CSMD1: variants seen among roughly 807,000 people sequenced by gnomAD.
CSMD1 encodes CUB and sushi domain-containing protein 1.
In CSMD1, 213 loss-of-function variants were observed where a neutral mutation model predicts 417.5. The observed-to-expected ratio is 0.51, with a 90% CI of 0.46 to 0.57. The LOEUF (loss-of-function observed/expected upper bound fraction) is 0.57, where lower values mean the gene tolerates loss of function less well. CSMD1 is among the 20% of genes least tolerant of loss of function. CSMD1 has a pLI of 0.00. For synonymous variants in CSMD1, 2,862 were observed against 1,736.8 expected (o/e 1.65, Z -16.11); for missense variants, 6,923 against 4,529.7 (o/e 1.53, Z -15.17).
intron 5 of CSMD1, among the ~76,000 whole-genome samples, chr8:3,790,255 C>A (rs1282199871): frequency 6.6e-6 from 1 of 152,104 alleles, no homozygotes; most frequent in Non-Finnish European, 1.5e-5. Context: ...CATTATCAAT[C>A]AAACTGAAAC....
intron 3 of CSMD1, among the ~76,000 whole-genome samples, chr8:4,277,431 G>C (rs1253141460): frequency 1.3e-5 from 2 of 152,052 alleles, no homozygotes; most frequent in African/African-American, 2.4e-5. Flanking sequence ...ATAGCTGTCC[G>C]TCAGCTTTCA....
rs1807408058 is a variant in CSMD1 at position 3,896,900 on chromosome 8, G to A, written c.818+101003C>T. ...TATCACCTAATTCTATTTGATGTTT[G>A]GTTCTCCAATAACAACCTCTATCTC... On this transcript the variant is annotated intron_variant, in intron 5 of 69. Transcript: ENST00000635120. Among the ~76,000 whole-genome samples the A allele has an allele frequency of 1.3e-5, 2 of 151,748 alleles. 1 individual carries two copies. Among genetic ancestry groups the A allele is most frequent in the Non-Finnish European group, 2.9e-5 (2 of 67,958 alleles).
chr8:3,340,194 C>T (rs1330992471), intron 23 of CSMD1, among the ~76,000 whole-genome samples: 6 of 152,106 alleles, frequency 3.9e-5, no homozygotes. Context: ...GCAATTACAC[C>T]ACTCCCTGTG....
chr8:4,486,039 T>A (rs1801360725), intron 2 of CSMD1, among the ~76,000 whole-genome samples: 1 of 151,154 alleles, frequency 6.6e-6, no homozygotes, highest in African/African-American at 2.4e-5. Context: ...AATCCTGACT[T>A]CATAAAGTAA....
At chr8:4,095,784 G>A (rs1563117783) in intron 3 of CSMD1, among the ~76,000 whole-genome samples, 1 of 152,062 alleles carries the variant, frequency 6.6e-6, no homozygotes, top group African/African-American at 2.4e-5. Flanking sequence ...CAGTTCTAAG[G>A]TTTTATATAT....
rs1386687508 is a variant in CSMD1, at chr8:3,151,548, C to A, written c.5915-35G>T. 2.2e-6 allele frequency: 3 copies of A among 1,341,352 alleles called. No individual in the cohort carries two copies. The South Asian group carries it at 3.7e-5, about 16-fold the overall frequency. 83.1% of individuals were successfully genotyped at this position (1,341,352 alleles called of 1,614,324 possible). On this transcript the variant is annotated intron_variant, in intron 39 of 69. Coordinates refer to ENST00000635120, the MANE Select transcript of CSMD1 (RefSeq NM_033225.6). ...GGACAAGATGTCAGTCCTGCAGGTC[C>A]TCACTTTCTCCCTGGAATCTTTGCT... is the stretch of plus-strand genomic sequence containing the variant.
At chr8:4,528,890 C>G (rs768154299) in intron 2 of CSMD1, among the ~76,000 whole-genome samples, 2 of 152,014 alleles carry the variant, frequency 1.3e-5, no homozygotes, top group Non-Finnish European at 2.9e-5. Flanking sequence ...CTTAAGCTTT[C>G]CATGTTTGAG....
chr8:4,306,356 A>C (rs967859135), intron 3 of CSMD1, among the ~76,000 whole-genome samples: 1 of 152,196 alleles, frequency 6.6e-6, no homozygotes, highest in African/African-American at 2.4e-5. Flanking sequence ...TTATGTGACT[A>C]ATCAATGAGC....
intron 28 of CSMD1, among the ~76,000 whole-genome samples, chr8:3,219,863 A>C (rs1373942358): frequency 2.0e-5 from 3 of 152,174 alleles, no homozygotes; most frequent in African/African-American, 7.2e-5. Flanking sequence ...GAATTTTGAA[A>C]ATATTGCAAT....
At chr8:3,531,131 G>T (rs924042085) in intron 10 of CSMD1, among the ~76,000 whole-genome samples, 6 of 152,010 alleles carry the variant, frequency 3.9e-5, no homozygotes, top group Admixed American at 1.3e-4. Flanking sequence ...AAAGTGCTGG[G>T]ATTACAGGTG....
chr8:4,305,925 C>G (rs547884164), intron 3 of CSMD1, among the ~76,000 whole-genome samples: 79 of 152,226 alleles, frequency 5.2e-4, no homozygotes, highest in African/African-American at 1.8e-3. Context: ...ATTCTATAAC[C>G]TTTATTTAAT....
At chr8:4,224,271 T>C (rs902786096) in intron 3 of CSMD1, among the ~76,000 whole-genome samples, 1 of 152,216 alleles carries the variant, frequency 6.6e-6, no homozygotes, top group Non-Finnish European at 1.5e-5. Context: ...GCACACGTTT[T>C]TCCATAATTG....
At chr8:3,218,775 G>A (rs1798031699) in intron 29 of CSMD1, among the ~76,000 whole-genome samples, 1 of 151,874 alleles carries the variant, frequency 6.6e-6, no homozygotes, top group African/African-American at 2.4e-5. Flanking sequence ...GGGGGGCTGA[G>A]ACAGGAGAAT....
chr8:3,960,312 T>C (rs983576439), intron 5 of CSMD1, among the ~76,000 whole-genome samples: 1 of 152,178 alleles, frequency 6.6e-6, no homozygotes, highest in Non-Finnish European at 1.5e-5. Flanking sequence ...CTGCAAACCT[T>C]TAAAGTACAT....
At chr8:4,520,143 G>A (rs139651182) in intron 2 of CSMD1, among the ~76,000 whole-genome samples, 1 of 152,132 alleles carries the variant, frequency 6.6e-6, no homozygotes, top group African/African-American at 2.4e-5. Flanking sequence ...GAGCAAAGTG[G>A]TAGAGCTAAA....
At chr8:3,926,014 T>TACACACACAC (rs10635075) in intron 5 of CSMD1, among the ~76,000 whole-genome samples, 34 of 123,466 alleles carry the variant, frequency 2.8e-4, no homozygotes, top group East Asian at 1.1e-3. Flanking sequence ...TATTTGTCTA[T>TACACACACAC]ACACACACAC....
At chr8:4,058,247 C>A (rs867826783) in intron 3 of CSMD1, among the ~76,000 whole-genome samples, 6 of 152,058 alleles carry the variant, frequency 3.9e-5, no homozygotes, top group Admixed American at 2.0e-4. Flanking sequence ...AGAGGTCCTT[C>A]ACATCCCTTG....
intron 23 of CSMD1, among the ~76,000 whole-genome samples, chr8:3,334,509 G>A (rs1314630872): frequency 3.3e-5 from 5 of 152,080 alleles, no homozygotes; most frequent in Admixed American, 3.3e-4. Flanking sequence ...TAATGTTGAT[G>A]TCATTTTTAT....
intron 3 of CSMD1, among the ~76,000 whole-genome samples, chr8:4,350,848 T>A (rs762632621): frequency 6.6e-6 from 1 of 152,218 alleles, no homozygotes; most frequent in Non-Finnish European, 1.5e-5. Flanking sequence ...GGAGACACTA[T>A]CTGCCAGTGG....
Sources: gnomAD v4.1 joint callset for allele counts (sites outside exome capture counted in the v4.1 genomes callset) on GRCh38, gnomAD v4.1.1 for gene constraint, MANE v1.5 for transcripts, NCBI Gene and HGNC (gene_info 2026-07-23, HGNC 2026-07-21) for gene names.